Variants in LGMN observed in about 807,000 individuals in gnomAD.
LGMN encodes legumain, also known as asparaginyl endopeptidase.
Under a neutral mutation model 56.8 loss-of-function variants are expected in LGMN, and 36 were observed. The observed-to-expected ratio is 0.63, with a 90% confidence interval of 0.49 to 0.84. LGMN has a LOEUF of 0.84. Among genes scored for constraint, LGMN ranks in the 40% least tolerant of loss-of-function variants. The pLI is 0.00. For synonymous variants in LGMN, 199 were observed against 210.1 expected (o/e 0.95, Z 0.46); for missense variants, 446 against 556.1 (o/e 0.80, Z 1.99).
At chr14:92,706,198 A>G (rs1889420608) in intron 12 of LGMN, among the ~76,000 whole-genome samples, 1 of 152,232 alleles carries the variant, frequency 6.6e-6, no homozygotes, top group Non-Finnish European at 1.5e-5. Flanking sequence ...GGGGTTTGGC[A>G]GGGACAGCAG....
chr14:92,706,453 T>G, intron 12 of LGMN, 30 bp downstream of exon 12: 1 of 1,466,706 alleles, frequency 6.8e-7, no homozygotes. Flanking sequence ...GCTTCTGGAT[T>G]CTGGTCATGG....
chr14:92,738,653 G>A (rs1209192909), intron 1 of LGMN, among the ~76,000 whole-genome samples: 1 of 151,986 alleles, frequency 6.6e-6, no homozygotes, highest in African/African-American at 2.4e-5. Context: ...TAAACACAGA[G>A]TCGTGATTCC....
At chr14:92,707,876 G>A (rs1889524441) in intron 11 of LGMN, among the ~76,000 whole-genome samples, 1 of 152,198 alleles carries the variant, frequency 6.6e-6, no homozygotes, top group East Asian at 1.9e-4. Context: ...TCTGAGCCAG[G>A]TGCGGTGCCT....
chr14:92,712,637 G>A lies in LGMN; in HGVS notation c.610+168C>T, dbSNP rs552087506. 11 of 624,996 alleles carry A rather than the reference G, an allele frequency of 1.8e-5. No homozygotes were observed. The South Asian group carries it at 1.8e-4, about 10-fold the overall frequency. The allele number at this position is 624,996 out of a possible 1,614,324, so 38.7% of individuals were successfully genotyped here. On this transcript the variant is annotated intron_variant, in intron 8 of 13. Coordinates refer to ENST00000334869, the MANE Select transcript of LGMN (RefSeq NM_005606.7). ...GATTCTTTATTCCCTGACTACCAGTGCTTCAGAAGCAGAGGAAGCCCAGAG... is the reference window on the plus strand; with the variant it reads ...GATTCTTTATTCCCTGACTACCAGTACTTCAGAAGCAGAGGAAGCCCAGAG...
chr14:92,729,020 C>T (rs1023822089), intron 2 of LGMN, among the ~76,000 whole-genome samples: 1 of 152,006 alleles, frequency 6.6e-6, no homozygotes, highest in Non-Finnish European at 1.5e-5. Context: ...TGACATGCAT[C>T]GCCAGCACCC....
chr14:92,711,674 C>T lies in LGMN; in HGVS notation c.804G>A (p.Met268Ile). 3 of 1,614,250 alleles carry T rather than the reference C, an allele frequency of 1.9e-6. No individual in the cohort carries two copies. The highest frequency in any genetic ancestry group is 1.1e-5 in the South Asian group (1 of 91,082). The change falls in exon 10 of 14, where the codon ATG becomes ATA. Residue 268 changes from methionine to isoleucine, a missense_variant. Coordinates refer to ENST00000334869, the MANE Select transcript of LGMN (RefSeq NM_005606.7). The part of the protein sequence containing the change: ...VKSHTNTSHV[M>I]QYGNKTISTM... ...CCCGACTCACTTTGTTTCCATACTG[C>T]ATGACGTGGCTGGTGTTGGTGTGCG...
At chr14:92,708,766 G>T (rs546565570) in intron 11 of LGMN, among the ~76,000 whole-genome samples, 1 of 146,330 alleles carries the variant, frequency 6.8e-6, no homozygotes, top group Non-Finnish European at 1.5e-5. Flanking sequence ...CTGAGGCAGG[G>T]GAATCTCTTA....
chr14:92,716,169 A>T lies in LGMN; in HGVS notation c.371T>A (p.Val124Glu). Reference protein sequence around the residue: ...LAVLRGDAEAVKGIGSGKVLK... With the variant: ...LAVLRGDAEAEKGIGSGKVLK... ...GACTTTGCCGGATCCTATGCCCTTC[A>T]CTGCTTCTGCATCGCCTCTCAACAC... The change falls in exon 5 of 14, where the codon GTG (valine) becomes GAG (glutamate). Residue 124 changes from valine (V) to glutamate (E), a missense_variant. Physicochemically the swap from Val to Glu is moderately radical, Grantham distance 121 (BLOSUM62 -2). Transcript: ENST00000334869. 6.2e-7 allele frequency: 1 copy of T among 1,613,446 alleles called. No homozygotes were observed. Among genetic ancestry groups the T allele is most frequent in the Non-Finnish European group, 8.5e-7 (1 of 1,179,502 alleles).
chr14:92,722,661 A>T (rs976588050), intron 2 of LGMN, among the ~76,000 whole-genome samples: 11 of 152,176 alleles, frequency 7.2e-5, no homozygotes, highest in East Asian at 3.8e-4. Context: ...AGACATTATT[A>T]AAAAAATGAA....
chr14:92,719,332 A>G (rs554438027), intron 2 of LGMN, among the ~76,000 whole-genome samples: 2,262 of 83,228 alleles, frequency 0.027, 177 homozygotes, highest in African/African-American at 0.11. Flanking sequence ...CGCCACCGCC[A>G]CCGCCATCAC....
chr14:92,729,104 C>T (rs1467493702), intron 2 of LGMN, among the ~76,000 whole-genome samples: 1 of 151,344 alleles, frequency 6.6e-6, no homozygotes, highest in Admixed American at 6.6e-5. Flanking sequence ...TGCTCCTGGG[C>T]CACTTCCACC....
intron 13 of LGMN, 26 bp from the exon 14 acceptor site, chr14:92,704,387 G>A: frequency 6.4e-7 from 1 of 1,569,682 alleles, no homozygotes; most frequent in Non-Finnish European, 8.7e-7. Flanking sequence ...AGGAGAACTT[G>A]GTGAACCGTG....
chr14:92,742,769 G>A (rs1213667919), intron 1 of LGMN: 1 of 152,284 alleles, frequency 6.6e-6, no homozygotes, highest in African/African-American at 2.4e-5. Context: ...TACAGGCTGG[G>A]CGTGGTGGCT....
intron 1 of LGMN, among the ~76,000 whole-genome samples, chr14:92,740,203 G>C (rs1466484241): frequency 2.0e-5 from 3 of 152,174 alleles, no homozygotes; most frequent in Admixed American, 2.0e-4. Context: ...AGGCGAGATC[G>C]CGCCATTGCA....
chr14:92,733,498 A>T (rs1000925992), intron 1 of LGMN, among the ~76,000 whole-genome samples: 2 of 152,246 alleles, frequency 1.3e-5, no homozygotes, highest in Non-Finnish European at 2.9e-5. Flanking sequence ...TATTTGTAAG[A>T]AAAGAATATA....
chr14:92,726,428 T>C (rs888462222), intron 2 of LGMN, among the ~76,000 whole-genome samples: 6 of 152,094 alleles, frequency 3.9e-5, no homozygotes, highest in African/African-American at 1.2e-4. Context: ...ATATCTACTA[T>C]CTGGCCCTTT....
At position 92,706,642 on chromosome 14, in the gene LGMN, G is replaced by A. The variant is rs915985111; in HGVS notation, c.1032C>T (p.Leu344=). The A allele has an allele frequency of 1.9e-6, 3 of 1,584,700 alleles. No individual in the cohort carries two copies. Among genetic ancestry groups the A allele is most frequent in the Admixed American group, 1.7e-5 (1 of 59,124 alleles). Residue 344 remains leucine (L), a synonymous_variant, in exon 12 of 14, where the codon CTC becomes CTT. Coordinates refer to ENST00000334869, the MANE Select transcript of LGMN (RefSeq NM_005606.7). ...CGATCTTACGCACTGACTTCTCAAT[G>A]AGGTGCCTGGCCTGGGGAGAAACGC... ...EIQRHLDARH[L]IEKSVRKIVS...
intron 2 of LGMN, 135 bp from the exon 3 acceptor site, chr14:92,718,979 T>G: frequency 1.7e-6 from 1 of 591,698 alleles, no homozygotes; most frequent in South Asian, 2.1e-5. Context: ...AATTATTATT[T>G]TAAAACACAT....
intron 10 of LGMN, among the ~76,000 whole-genome samples, 180 bp from the exon 11 acceptor site, chr14:92,710,052 G>A (rs1374997621): frequency 6.6e-6 from 1 of 152,188 alleles, no homozygotes; most frequent in Admixed American, 6.5e-5. Context: ...AGGACCACAG[G>A]GCCACAGTCA....
Sources: allele counts gnomAD v4.1 joint callset (sites outside exome capture counted in the v4.1 genomes callset), GRCh38; gene constraint gnomAD v4.1.1; transcripts MANE v1.5; gene names NCBI Gene and HGNC (gene_info 2026-07-23, HGNC 2026-07-21).